RFX7: variants seen among roughly 807,000 people sequenced by gnomAD.
RFX7 encodes the protein DNA-binding protein RFX7.
Under a neutral mutation model 111.8 loss-of-function variants are expected in RFX7, and 26 were observed. That is an observed-to-expected ratio of 0.23 (90% CI 0.17 to 0.32). RFX7 has a LOEUF of 0.32. Among genes scored for constraint, RFX7 ranks in the 10% least tolerant of loss-of-function variants. The probability of loss-of-function intolerance (pLI) is 1.00; values close to 1 mark genes in which losing one functional copy is unlikely to be tolerated. For missense variants in RFX7, 1,573 were observed against 1,772.9 expected, an observed-to-expected ratio of 0.89 and a Z score of 2.02; for synonymous variants, 624 against 624.4, an observed-to-expected ratio of 1.00 and a Z score of 0.01.
At chr15:56,199,269 G>T (rs1279726695) in intron 2 of RFX7, among the ~76,000 whole-genome samples, 1 of 152,152 alleles carries the variant, frequency 6.6e-6, no homozygotes, top group Admixed American at 6.5e-5. Flanking sequence ...TTATTTGAAA[G>T]TGTAGGATAT....
chr15:56,203,760 G>T (rs2043220048), intron 2 of RFX7, among the ~76,000 whole-genome samples: 1 of 152,158 alleles, frequency 6.6e-6, no homozygotes. Flanking sequence ...ATGTCAGGAA[G>T]TTACCCTATA....
At chr15:56,197,204 T>G (rs2043153159) in intron 2 of RFX7, among the ~76,000 whole-genome samples, 1 of 152,156 alleles carries the variant, frequency 6.6e-6, no homozygotes, top group Admixed American at 6.5e-5. Flanking sequence ...CTTTACCCCT[T>G]TTTCTGCATG....
intron 8 of RFX7, among the ~76,000 whole-genome samples, chr15:56,100,798 C>A (rs1452534853): frequency 1.3e-5 from 2 of 152,038 alleles, no homozygotes; most frequent in Admixed American, 6.6e-5. Context: ...TTGTCGATTC[C>A]AAAAACTCAT....
At chr15:56,136,765 GCT>G (rs2042308901) in intron 5 of RFX7, among the ~76,000 whole-genome samples, 1 of 140,956 alleles carries the variant, frequency 7.1e-6, no homozygotes, top group African/African-American at 2.7e-5. Context: ...GTCATAGATA[GCT>G]CTTATTATTT....
intron 2 of RFX7, among the ~76,000 whole-genome samples, chr15:56,214,526 T>C (rs2043343722): frequency 1.3e-5 from 2 of 151,666 alleles, no homozygotes; most frequent in South Asian, 4.2e-4. Flanking sequence ...CCATCCTGGT[T>C]AACATGGTGA....
chr15:56,224,073 T>C (rs1422666665), intron 2 of RFX7, among the ~76,000 whole-genome samples: 1 of 151,656 alleles, frequency 6.6e-6, no homozygotes, highest in African/African-American at 2.4e-5. Context: ...ATAACATAAA[T>C]GTGTGATGCA....
intron 2 of RFX7, among the ~76,000 whole-genome samples, chr15:56,233,585 T>C (rs2043591595): frequency 6.6e-6 from 1 of 152,090 alleles, no homozygotes; most frequent in Non-Finnish European, 1.5e-5. Flanking sequence ...ATGAAACCAA[T>C]GCTGCCAGAC....
At position 56,094,924 on chromosome 15, in the gene RFX7, T is replaced by C. The variant is rs758026457; in HGVS notation, c.2804A>G (p.Tyr935Cys). Residue 935 changes from tyrosine (Y) to cysteine (C), a missense_variant, in exon 10 of 10, where the codon TAT (tyrosine) becomes TGT (cysteine). Physicochemically the swap from Tyr to Cys is radical, Grantham distance 194. Around this residue, in one of 7 missense-constraint regions of RFX7, gnomAD observed 625 missense variants for 632.2 expected, o/e 0.99. Transcript: ENST00000559447. Reference sequence around the variant, plus strand: ...AGTGCCATTGCTGTGGATTGGATGATAGAAGTGGGTGCTGGAAGTGTGAGA... The same window carrying C: ...AGTGCCATTGCTGTGGATTGGATGACAGAAGTGGGTGCTGGAAGTGTGAGA... Reference protein sequence around the residue: ...MSSHTSSTHFYHPIHSNGTPI... With the variant: ...MSSHTSSTHFCHPIHSNGTPI... 2 of 1,588,514 alleles carry C rather than the reference T, an allele frequency of 1.3e-6. No individual in the cohort carries two copies. The highest frequency in any genetic ancestry group is 1.7e-6 in the Non-Finnish European group (2 of 1,167,384).
In RFX7 at chr15:56,213,185, T is replaced by G. The variant is rs2043330025; in HGVS notation, c.161+29940A>C. On this transcript the variant is annotated intron_variant, in intron 2 of 9. Transcript: ENST00000559447. ...TCCTTGGTACAGTACATTTGTACAT[T>G]TCTCCATTTATCCCAGAGAAATGCA... is the stretch of plus-strand genomic sequence containing the variant. Among the ~76,000 whole-genome samples, 3 of 152,316 alleles carry G rather than the reference T, an allele frequency of 2.0e-5. No homozygotes were observed. In the South Asian group the frequency reaches 6.2e-4, roughly 32 times the overall value.
intron 5 of RFX7, among the ~76,000 whole-genome samples, chr15:56,139,607 C>T (rs545901444): frequency 1.3e-5 from 2 of 152,358 alleles, no homozygotes; most frequent in South Asian, 2.1e-4. Context: ...AAGCCTTCTT[C>T]TCTCTGCTCC....
chr15:56,113,688 A>G (rs1452476755), intron 5 of RFX7, among the ~76,000 whole-genome samples: 1 of 151,930 alleles, frequency 6.6e-6, no homozygotes, highest in African/African-American at 2.4e-5. Flanking sequence ...AAAAAAGTAA[A>G]CTGAATGCTT....
chr15:56,229,193 G>C (rs1307400696), intron 2 of RFX7, among the ~76,000 whole-genome samples: 1 of 152,188 alleles, frequency 6.6e-6, no homozygotes, highest in Non-Finnish European at 1.5e-5. Context: ...TTCAGAAAGT[G>C]AAACTGCAGA....
intron 6 of RFX7, 60 bp downstream of exon 6, chr15:56,103,491 ATAG>A (rs1271550735): frequency 9.5e-7 from 1 of 1,049,942 alleles, no homozygotes. Flanking sequence ...AACTACAACA[ATAG>A]ATGTTCTATA....
chr15:56,222,219 G>C (rs1244703701), intron 2 of RFX7, among the ~76,000 whole-genome samples: 2 of 152,168 alleles, frequency 1.3e-5, no homozygotes, highest in African/African-American at 4.8e-5. Flanking sequence ...CTGATGAGAA[G>C]TTGGTCTTCG....
intron 2 of RFX7, among the ~76,000 whole-genome samples, chr15:56,196,953 C>A (rs2043151259): frequency 6.6e-6 from 1 of 152,106 alleles, no homozygotes; most frequent in African/African-American, 2.4e-5. Context: ...TGTTGATCTT[C>A]AACTTTCTAA....
At chr15:56,166,754 CT>C (rs879913606) in intron 3 of RFX7, among the ~76,000 whole-genome samples, 9 of 148,464 alleles carry the variant, frequency 6.1e-5, no homozygotes, top group Admixed American at 2.0e-4. Context: ...GACTATGGAA[CT>C]TTTTTTTTTG....
intron 2 of RFX7, among the ~76,000 whole-genome samples, chr15:56,226,027 C>G (rs2043480009): frequency 6.6e-6 from 1 of 151,406 alleles, no homozygotes; most frequent in Non-Finnish European, 1.5e-5. Flanking sequence ...AGGGTAAGAA[C>G]AAGAGAGGAA....
intron 2 of RFX7, among the ~76,000 whole-genome samples, chr15:56,199,014 A>C (rs1385107185): frequency 6.6e-6 from 1 of 151,070 alleles, no homozygotes; most frequent in Non-Finnish European, 1.5e-5. Context: ...AAAAAAAAAA[A>C]GTTAAAAGAG....
At chr15:56,127,480 A>G (rs2042158768) in intron 5 of RFX7, among the ~76,000 whole-genome samples, 1 of 151,272 alleles carries the variant, frequency 6.6e-6, no homozygotes, top group African/African-American at 2.4e-5. Flanking sequence ...ATTCTAGTGG[A>G]AAGAAATATA....
Sources: allele counts gnomAD v4.1 joint callset (sites outside exome capture counted in the v4.1 genomes callset), GRCh38; gene constraint gnomAD v4.1.1; regional missense constraint gnomAD v4.1.1; transcripts MANE v1.5; gene names NCBI Gene and HGNC (gene_info 2026-07-23, HGNC 2026-07-21).